The following ACTR3 variants were observed in gnomAD, a reference collection of about 807,000 sequenced individuals.
The protein encoded by ACTR3 is actin-related protein 3.
Under a neutral mutation model 56.8 loss-of-function variants are expected in ACTR3, and 12 were observed. The observed-to-expected ratio is 0.21, with a 90% confidence interval of 0.14 to 0.34. The LOEUF is 0.34. ACTR3 is among the 10% of genes least tolerant of loss of function. The probability of loss-of-function intolerance (pLI) is 1.00; values close to 1 mark genes in which losing one functional copy is unlikely to be tolerated. For missense variants in ACTR3, 282 were observed against 512.5 expected (o/e 0.55, Z 4.34); for synonymous variants, 162 against 167.4 (o/e 0.97, Z 0.25).
rs887217066 is a variant in ACTR3, at chr2:113,962,019, G to A, written c.*4564G>A. 1.3e-5 allele frequency: 2 copies of A among 151,956 alleles called. No homozygotes were observed. Among genetic ancestry groups the A allele is most frequent in the African/African-American group, 4.8e-5 (2 of 41,412 alleles). The allele number at this position is 151,956 out of a possible 1,614,324, so 9.4% of individuals were successfully genotyped here. A position where few individuals can be genotyped will look rare whatever the true frequency, so the allele number is the denominator to read the frequency against. On this transcript the variant is annotated 3_prime_UTR_variant, in exon 12 of 12. Transcript: ENST00000263238. ...ATATTGCTTGGCATATAGTAGTTTA[G>A]TGGATGTGTTTGATGAATGAATGAG...
chr2:113,912,158 G>T (rs759612502), intron 1 of ACTR3, among the ~76,000 whole-genome samples: 107 of 151,794 alleles, frequency 7.0e-4, no homozygotes, highest in Non-Finnish European at 1.4e-3. Flanking sequence ...TTACAGGTGT[G>T]AGCCACCACG....
rs1680316023 is a variant in ACTR3, at chr2:113,961,020, A to T, written c.*3565A>T. On this transcript the variant is annotated 3_prime_UTR_variant, in exon 12 of 12. Transcript: ENST00000263238. ...TACCTTGTTCTTGTATTAGGTCTAT[A>T]TCCTGAATTGACCTTTAGCAAGAAT... The T allele has an allele frequency of 6.6e-6, 1 of 152,030 alleles. No individual in the cohort carries two copies. Among genetic ancestry groups the T allele is most frequent in the Admixed American group, 6.6e-5 (1 of 15,238 alleles). 9.4% of individuals were successfully genotyped at this position (152,030 alleles called of 1,614,324 possible). A position where few individuals can be genotyped will look rare whatever the true frequency, so the allele number is the denominator to read the frequency against.
chr2:113,952,010 C>A, intron 10 of ACTR3, 165 bp downstream of exon 10: 1 of 901,094 alleles, frequency 1.1e-6, no homozygotes, highest in Non-Finnish European at 1.6e-6. Context: ...TATTCTGGAT[C>A]ATTTGATTCT....
intron 6 of ACTR3, 109 bp from the exon 7 acceptor site, chr2:113,939,850 C>T (rs933741409): frequency 5.1e-6 from 5 of 983,416 alleles, no homozygotes; most frequent in Non-Finnish European, 5.9e-6. Flanking sequence ...GTACTTGAGA[C>T]TATAAATACA....
chr2:113,932,595 A>T (rs1276746835), intron 5 of ACTR3, among the ~76,000 whole-genome samples: 1 of 152,156 alleles, frequency 6.6e-6, no homozygotes, highest in African/African-American at 2.4e-5. Flanking sequence ...AGTAGTCAAT[A>T]ACATTTCTGT....
At chr2:113,910,344 C>T (rs1679284457) in intron 1 of ACTR3, among the ~76,000 whole-genome samples, 1 of 152,170 alleles carries the variant, frequency 6.6e-6, no homozygotes, top group African/African-American at 2.4e-5. Flanking sequence ...ACGTCTCTTC[C>T]TACACACCTC....
Position 113,961,694 on chromosome 2 carries a change from T to C in ACTR3, c.*4239T>C, listed in dbSNP as rs1680329108. ...ACTGTGCATAAAGATGAATAAATAT[T>C]CTGTCCTTGGCTTAGTCTAATAGTA... On this transcript the variant is annotated 3_prime_UTR_variant, in exon 12 of 12. Coordinates refer to ENST00000263238, the MANE Select transcript of ACTR3 (RefSeq NM_005721.5). The C allele has an allele frequency of 6.6e-6, 1 of 152,002 alleles. No homozygotes were observed. The allele number at this position is 152,002 out of a possible 1,614,324, so 9.4% of individuals were successfully genotyped here.
In ACTR3 at chr2:113,957,506, T is replaced by C. The variant is rs549200624; in HGVS notation, c.*51T>C. The C allele has an allele frequency of 1.4e-6, 2 of 1,438,704 alleles. No individual in the cohort carries two copies. The highest frequency in any genetic ancestry group is 1.9e-4 in the Middle Eastern group (1 of 5,318). The allele number at this position is 1,438,704 out of a possible 1,614,324, so 89.1% of individuals were successfully genotyped here. A position where few individuals can be genotyped will look rare whatever the true frequency, so the allele number is the denominator to read the frequency against. Reference sequence around the variant, plus strand: ...AGGGAGGTGGGGAAGAGATAATCTTTCTGATTACCTGTTTTGTCTGGATGG... The same window carrying C: ...AGGGAGGTGGGGAAGAGATAATCTTCCTGATTACCTGTTTTGTCTGGATGG... On this transcript the variant is annotated 3_prime_UTR_variant, in exon 12 of 12. Transcript: ENST00000263238.
At chr2:113,895,687 C>T (rs1004880955) in intron 1 of ACTR3, among the ~76,000 whole-genome samples, 1 of 152,106 alleles carries the variant, frequency 6.6e-6, no homozygotes, top group East Asian at 1.9e-4. Flanking sequence ...TTTTACGTTT[C>T]TTCTGGCAGT....
chr2:113,929,700 A>G (rs534876256), intron 4 of ACTR3, among the ~76,000 whole-genome samples: 1 of 151,026 alleles, frequency 6.6e-6, no homozygotes, highest in South Asian at 2.1e-4. Flanking sequence ...TTTTTTTGAG[A>G]CAGTCTTGCT....
chr2:113,947,421 G>A (rs937471663), intron 8 of ACTR3, among the ~76,000 whole-genome samples: 1 of 152,192 alleles, frequency 6.6e-6, no homozygotes, highest in Non-Finnish European at 1.5e-5. Flanking sequence ...GGAAGCCAAG[G>A]TGGGCGAATC....
chr2:113,927,817 C>G (rs1356626296), intron 4 of ACTR3, among the ~76,000 whole-genome samples: 1 of 152,046 alleles, frequency 6.6e-6, no homozygotes, highest in Non-Finnish European at 1.5e-5. Flanking sequence ...ACAATATAAT[C>G]TAACTTTTTA....
At chr2:113,914,004 T>G (rs1306948920) in intron 2 of ACTR3, among the ~76,000 whole-genome samples, 2 of 152,206 alleles carry the variant, frequency 1.3e-5, no homozygotes, top group African/African-American at 4.8e-5. Flanking sequence ...TGACAAACCT[T>G]TTGAGCCGTT....
intron 1 of ACTR3, among the ~76,000 whole-genome samples, chr2:113,902,375 T>TA: frequency 6.6e-6 from 1 of 151,980 alleles, no homozygotes; most frequent in East Asian, 1.9e-4. Flanking sequence ...TTTTTTTTTT[T>TA]ATGTAAAATG....
chr2:113,891,089 T>C (rs912229442), intron 1 of ACTR3, among the ~76,000 whole-genome samples: 12 of 152,208 alleles, frequency 7.9e-5, no homozygotes, highest in African/African-American at 2.9e-4. Context: ...TATACCCTTA[T>C]AAGGTAGTTT....
chr2:113,956,366 A>G (rs1680213533), intron 11 of ACTR3, among the ~76,000 whole-genome samples: 1 of 150,946 alleles, frequency 6.6e-6, no homozygotes, highest in Non-Finnish European at 1.5e-5. Context: ...ATTGGAAGTC[A>G]TTTGAATTTA....
chr2:113,900,431 C>T (rs1323845640), intron 1 of ACTR3, among the ~76,000 whole-genome samples: 1 of 152,108 alleles, frequency 6.6e-6, no homozygotes, highest in Non-Finnish European at 1.5e-5. Flanking sequence ...GTGCTGACTG[C>T]TGTAGTCGTT....
intron 6 of ACTR3, among the ~76,000 whole-genome samples, chr2:113,935,038 T>C (rs1679798725): frequency 1.3e-5 from 2 of 151,642 alleles, no homozygotes; most frequent in Non-Finnish European, 2.9e-5. Context: ...TTTTGAACTT[T>C]TTTTTTTTTT....
intron 1 of ACTR3, among the ~76,000 whole-genome samples, chr2:113,893,313 G>C (rs139013352): frequency 6.7e-6 from 1 of 149,034 alleles, no homozygotes; most frequent in Non-Finnish European, 1.5e-5. Flanking sequence ...TGTTTGTTTT[G>C]AGATGGAGTC....
Sources: allele counts gnomAD v4.1 joint callset (sites outside exome capture counted in the v4.1 genomes callset), GRCh38; gene constraint gnomAD v4.1.1; transcripts MANE v1.5; gene names NCBI Gene and HGNC (gene_info 2026-07-23, HGNC 2026-07-21).